Variants in ATXN10 observed in about 807,000 individuals in gnomAD.
ATXN10 encodes ataxin 10.
In ATXN10, 28 loss-of-function variants were observed where a neutral mutation model predicts 52.9. That is an observed-to-expected ratio of 0.53 (90% confidence interval 0.39 to 0.73). The LOEUF is 0.73. ATXN10 is among the 30% of genes least tolerant of loss of function. The pLI is 0.00. For missense variants in ATXN10, 565 were observed against 577.0 expected, an observed-to-expected ratio of 0.98 and a Z score of 0.21; for synonymous variants, 226 against 221.5, an observed-to-expected ratio of 1.02 and a Z score of -0.18.
chr22:45,687,296 C>G lies in ATXN10; in HGVS notation c.117-2416C>G, dbSNP rs147440402. On this transcript the variant is annotated intron_variant, in intron 1 of 11. Transcript: ENST00000252934. ...TTTAAGAATATTGCTTTTCTTCTGT[C>G]TTGTTTAGTCTGTACCATAGTTTGA... 3.9e-5 allele frequency among the ~76,000 whole-genome samples: 6 copies of G among 152,238 alleles called. No homozygotes were observed. The East Asian group carries it at 1.2e-3, about 29-fold the overall frequency.
intron 8 of ATXN10, 142 bp downstream of exon 8, chr22:45,738,981 G>A: frequency 1.3e-6 from 1 of 778,824 alleles, no homozygotes; most frequent in Non-Finnish European, 2.2e-6. Context: ...GAATCACAGT[G>A]TTGTAACAGT....
intron 1 of ATXN10, chr22:45,672,689 C>T (rs1922516489): frequency 6.6e-6 from 1 of 152,492 alleles, no homozygotes; most frequent in African/African-American, 2.4e-5. Flanking sequence ...CACCATCTGC[C>T]CTGGGGGCAG....
chr22:45,679,215 T>A (rs1397450119), intron 1 of ATXN10: 4 of 152,224 alleles, frequency 2.6e-5, no homozygotes, highest in African/African-American at 9.6e-5. Flanking sequence ...TTTACCTCTG[T>A]TTTCAGTACC....
At chr22:45,697,673 A>G (rs1236121591) in intron 3 of ATXN10, among the ~76,000 whole-genome samples, 2 of 152,166 alleles carry the variant, frequency 1.3e-5, no homozygotes, top group Non-Finnish European at 2.9e-5. Flanking sequence ...GCTGTCGCCC[A>G]GGCTGGAGTG....
chr22:45,709,928 C>G (rs1432095955), intron 5 of ATXN10, among the ~76,000 whole-genome samples: 2 of 152,224 alleles, frequency 1.3e-5, no homozygotes, highest in Non-Finnish European at 2.9e-5. Context: ...CTCTCACCCA[C>G]TTATACTCAT....
chr22:45,689,433 A>G (rs895879120), intron 1 of ATXN10: 6 of 457,464 alleles, frequency 1.3e-5, no homozygotes, highest in Non-Finnish European at 1.6e-5. Flanking sequence ...TACCATCTCT[A>G]CTTCACTTAC....
At position 45,708,330 on chromosome 22, in the gene ATXN10, G is replaced by A. The variant is rs771993154; in HGVS notation, c.647+5483G>A. On this transcript the variant is annotated intron_variant, in intron 5 of 11. Transcript: ENST00000252934. This position sits in a 1 kb window ranked among gnomAD's most constrained non-coding sequence, Gnocchi z 5.3. The stretch of plus-strand genomic sequence containing the variant: ...AATTACACAGTAGAGGAAGAGGTAG[G>A]ACTGCCTCGTGCTGATCCTGTGATG... Among the ~76,000 whole-genome samples, 1 of 152,176 alleles carries A rather than the reference G, an allele frequency of 6.6e-6. No individual in the cohort carries two copies. Among genetic ancestry groups the A allele is most frequent in the Non-Finnish European group, 1.5e-5 (1 of 68,026 alleles).
At chr22:45,714,646 T>C (rs1200843323) in intron 5 of ATXN10, among the ~76,000 whole-genome samples, 1 of 152,222 alleles carries the variant, frequency 6.6e-6, no homozygotes, top group Non-Finnish European at 1.5e-5. Context: ...CCTCCCAAAG[T>C]GCTGGGAATA....
intron 10 of ATXN10, among the ~76,000 whole-genome samples, chr22:45,813,277 T>A (rs1231121460): frequency 6.6e-6 from 1 of 152,120 alleles, no homozygotes; most frequent in African/African-American, 2.4e-5. Flanking sequence ...TTGAAGTGTT[T>A]TTTCTTTCAT....
intron 9 of ATXN10, among the ~76,000 whole-genome samples, chr22:45,776,379 A>G (rs745514207): frequency 1.3e-5 from 2 of 152,170 alleles, no homozygotes; most frequent in Non-Finnish European, 2.9e-5. Context: ...TGCAGGTGTG[A>G]TGCGTGACAT....
chr22:45,806,951 C>G lies in ATXN10; in HGVS notation c.1174-8C>G. ...TTCAGTGTATAAACTTATCTTCTTT[C>G]TCTCTAGGTAAATGAGCTGGATGGT... On this transcript the variant is annotated splice_polypyrimidine_tract_variant and splice_region_variant and intron_variant, in intron 9 of 11. Transcript: ENST00000252934. 1.2e-6 allele frequency: 2 copies of G among 1,610,914 alleles called. No individual in the cohort carries two copies. The highest frequency in any genetic ancestry group is 1.7e-6 in the Non-Finnish European group (2 of 1,177,120).
rs1191031912 is a variant in ATXN10, at chr22:45,842,114, A to G, written c.1238-877A>G. On this transcript the variant is annotated intron_variant, in intron 10 of 11. Transcript: ENST00000252934. The surrounding 1 kb of genome is among the most constrained non-coding windows in gnomAD (Gnocchi z 4.8). ...TCAGGGTGCCAGGCCCAGTAGGGAC[A>G]CAGCCTCTCTTGGCAGTCTCTTACA... 1.3e-5 allele frequency among the ~76,000 whole-genome samples: 2 copies of G among 152,306 alleles called. No individual in the cohort carries two copies. Among genetic ancestry groups the G allele is most frequent in the Non-Finnish European group, 2.9e-5 (2 of 68,014 alleles).
chr22:45,825,803 G>T lies in ATXN10; in HGVS notation c.1238-17188G>T, dbSNP rs1324008165. On this transcript the variant is annotated intron_variant, in intron 10 of 11. Coordinates refer to ENST00000252934, the MANE Select transcript of ATXN10 (RefSeq NM_013236.4). This position sits in a 1 kb window ranked among gnomAD's most constrained non-coding sequence, Gnocchi z 4.5. Reference sequence around the variant, plus strand: ...ATAAAACAATATATGGACAAGCCCAGGTGCAGTGGCTGACACCAGTAATCC... The same window carrying T: ...ATAAAACAATATATGGACAAGCCCATGTGCAGTGGCTGACACCAGTAATCC... Among the ~76,000 whole-genome samples, 1 of 152,226 alleles carries T rather than the reference G, an allele frequency of 6.6e-6. No homozygotes were observed. The highest frequency in any genetic ancestry group is 1.5e-5 in the Non-Finnish European group (1 of 68,036).
chr22:45,672,268 C>T, intron 1 of ATXN10, 89 bp downstream of exon 1: 2 of 1,231,656 alleles, frequency 1.6e-6, no homozygotes, highest in South Asian at 5.5e-5. Context: ...GGCGCCGCCC[C>T]CGCCTCGCTG....
Position 45,708,353 on chromosome 22 carries a change from A to T in ATXN10, c.647+5506A>T, listed in dbSNP as rs1314626435. Reference sequence around the variant, plus strand: ...AGGACTGCCTCGTGCTGATCCTGTGATGTGTTGGTTGCTTTGTCTGTGTAA... The same window carrying T: ...AGGACTGCCTCGTGCTGATCCTGTGTTGTGTTGGTTGCTTTGTCTGTGTAA... On this transcript the variant is annotated intron_variant, in intron 5 of 11. Coordinates refer to ENST00000252934, the MANE Select transcript of ATXN10 (RefSeq NM_013236.4). This position sits in a 1 kb window ranked among gnomAD's most constrained non-coding sequence, Gnocchi z 5.3. 6.6e-6 allele frequency among the ~76,000 whole-genome samples: 1 copy of T among 152,144 alleles called. No individual in the cohort carries two copies. The highest frequency in any genetic ancestry group is 2.4e-5 in the African/African-American group (1 of 41,420).
Position 45,818,764 on chromosome 22 carries a change from G to T in ATXN10, c.1237+11742G>T, listed in dbSNP as rs1404798896. The stretch of plus-strand genomic sequence containing the variant: ...CGTTTTCCCAAGCGTGCTTCTCAGT[G>T]GTTGCTGTTAATGTTCTAAGGGCCA... On this transcript the variant is annotated intron_variant, in intron 10 of 11. Coordinates refer to ENST00000252934, the MANE Select transcript of ATXN10 (RefSeq NM_013236.4). The surrounding 1 kb of genome is among the most constrained non-coding windows in gnomAD (Gnocchi z 4.6). Among the ~76,000 whole-genome samples, 3 of 152,122 alleles carry T rather than the reference G, an allele frequency of 2.0e-5. No homozygotes were observed. The highest frequency in any genetic ancestry group is 7.2e-5 in the African/African-American group (3 of 41,440).
rs1923230593 is a variant in ATXN10 at position 45,688,395 on chromosome 22, G to A, written c.117-1317G>A. On this transcript the variant is annotated intron_variant, in intron 1 of 11. Transcript: ENST00000252934. This position sits in a 1 kb window ranked among gnomAD's most constrained non-coding sequence, Gnocchi z 4.0. ...ATAAGGGGGGAAATTAGGGGTAGTGGAAAAGCCAGATAGAAAAAGTAAGGA... is the reference window on the plus strand; with the variant it reads ...ATAAGGGGGGAAATTAGGGGTAGTGAAAAAGCCAGATAGAAAAAGTAAGGA... Among the ~76,000 whole-genome samples the A allele has an allele frequency of 6.6e-6, 1 of 152,164 alleles. No individual in the cohort carries two copies. The highest frequency in any genetic ancestry group is 1.5e-5 in the Non-Finnish European group (1 of 68,022).
chr22:45,710,701 G>A (rs1195686368), intron 5 of ATXN10, among the ~76,000 whole-genome samples: 1 of 152,164 alleles, frequency 6.6e-6, no homozygotes, highest in Non-Finnish European at 1.5e-5. Context: ...AGCCAAGCTT[G>A]TTTATCTATT....
rs5765577 is a variant in ATXN10, at chr22:45,683,413, T to C, written c.117-6299T>C. On this transcript the variant is annotated intron_variant, in intron 1 of 11. Transcript: ENST00000252934. This position sits in a 1 kb window ranked among gnomAD's most constrained non-coding sequence, Gnocchi z 4.8. ...CTACTGTGCCTGTCCAGGGTGGCTC[T>C]GTCTTGTCTCTCTGAGTCGCACTTC... 0.87 allele frequency among the ~76,000 whole-genome samples: 132,448 copies of C among 152,136 alleles called. 57,968 individuals are homozygous for C. Among genetic ancestry groups the C allele is most frequent in the African/African-American group, 0.96 (39,877 of 41,526 alleles).
Sources: gnomAD v4.1 joint callset for allele counts (sites outside exome capture counted in the v4.1 genomes callset) on GRCh38, gnomAD v4.1.1 for gene constraint, Gnocchi (gnomAD v3.1) non-coding constraint, MANE v1.5 for transcripts, NCBI Gene and HGNC (gene_info 2026-07-23, HGNC 2026-07-21) for gene names.